The following TMEFF2 variants were observed in gnomAD, a reference collection of about 807,000 sequenced individuals.
TMEFF2 encodes tomoregulin-2.
Under a neutral mutation model 53.8 loss-of-function variants are expected in TMEFF2, and 28 were observed. The ratio of observed to expected loss-of-function variants is 0.52; its 90% CI spans 0.39 to 0.71. The LOEUF (loss-of-function observed/expected upper bound fraction) is 0.71. Ranked by LOEUF, TMEFF2 falls within the 30% of genes least tolerant of loss-of-function variation. The pLI, the probability that TMEFF2 is intolerant of heterozygous loss-of-function variation, is 0.00. For missense variants in TMEFF2, 353 were observed against 455.2 expected (o/e 0.78, Z 2.04); for synonymous variants, 162 against 166.3 (o/e 0.97, Z 0.20).
chr2:192,002,858 C>G (rs934135828), intron 5 of TMEFF2, among the ~76,000 whole-genome samples: 1 of 151,860 alleles, frequency 6.6e-6, no homozygotes. Flanking sequence ...AACACAAAAA[C>G]GATGAAGCTT....
chr2:192,188,440 T>C (rs1691370683), intron 2 of TMEFF2, among the ~76,000 whole-genome samples: 1 of 152,188 alleles, frequency 6.6e-6, no homozygotes, highest in Non-Finnish European at 1.5e-5. Context: ...CTCAGATCGG[T>C]ATAGCACCAA....
intron 4 of TMEFF2, among the ~76,000 whole-genome samples, chr2:192,087,658 T>C (rs1688697300): frequency 6.6e-6 from 1 of 152,130 alleles, no homozygotes; most frequent in African/African-American, 2.4e-5. Flanking sequence ...CCGTTATAAC[T>C]AGATACAATA....
At chr2:191,950,511 T>G in intron 9 of TMEFF2, 104 bp from the exon 10 acceptor site, 2 of 1,469,102 alleles carry the variant, frequency 1.4e-6, no homozygotes, top group Non-Finnish European at 1.9e-6. Flanking sequence ...TATTAAAATA[T>G]TTCAGATGAA....
At chr2:191,959,689 T>G (rs1692215517) in intron 7 of TMEFF2, among the ~76,000 whole-genome samples, 1 of 152,196 alleles carries the variant, frequency 6.6e-6, no homozygotes, top group Admixed American at 6.5e-5. Flanking sequence ...AATAAGATGT[T>G]GTTTAGATAA....
intron 4 of TMEFF2, among the ~76,000 whole-genome samples, chr2:192,107,934 A>G (rs1402419559): frequency 6.7e-6 from 1 of 149,684 alleles, no homozygotes; most frequent in African/African-American, 2.4e-5. Flanking sequence ...CTATACAAAG[A>G]TAGAAACAAT....
At chr2:192,073,125 T>A (rs1158996630) in intron 4 of TMEFF2, among the ~76,000 whole-genome samples, 3 of 152,006 alleles carry the variant, frequency 2.0e-5, no homozygotes, top group Non-Finnish European at 2.9e-5. Context: ...GTTGAGGTAG[T>A]GATTTCTGTG....
chr2:192,109,520 G>A (rs1689226744), intron 4 of TMEFF2, among the ~76,000 whole-genome samples: 1 of 152,000 alleles, frequency 6.6e-6, no homozygotes, highest in Non-Finnish European at 1.5e-5. Flanking sequence ...TTCTGAAGAT[G>A]CCTCTGGATT....
chr2:192,128,174 C>T (rs1286205522), intron 4 of TMEFF2, among the ~76,000 whole-genome samples: 1 of 152,116 alleles, frequency 6.6e-6, no homozygotes, highest in Non-Finnish European at 1.5e-5. Flanking sequence ...TTTGCCATTA[C>T]AGATAAAGCC....
chr2:192,164,256 T>C (rs1349902514), intron 4 of TMEFF2, among the ~76,000 whole-genome samples: 1 of 152,156 alleles, frequency 6.6e-6, no homozygotes, highest in Non-Finnish European at 1.5e-5. Flanking sequence ...CTTCCTTCTA[T>C]TTCTGGATTT....
At chr2:192,088,827 C>A (rs541908495) in intron 4 of TMEFF2, among the ~76,000 whole-genome samples, 12 of 152,144 alleles carry the variant, frequency 7.9e-5, no homozygotes, top group Non-Finnish European at 1.5e-4. Context: ...CTGTTCTTAG[C>A]CTTTCACCTA....
At chr2:192,037,473 A>G (rs1228695704) in intron 5 of TMEFF2, among the ~76,000 whole-genome samples, 1 of 151,846 alleles carries the variant, frequency 6.6e-6, no homozygotes, top group East Asian at 1.9e-4. Context: ...CTTAGAAGGA[A>G]AGGCAGGTCC....
At chr2:192,108,297 A>G (rs1196350408) in intron 4 of TMEFF2, among the ~76,000 whole-genome samples, 1 of 151,880 alleles carries the variant, frequency 6.6e-6, no homozygotes, top group Non-Finnish European at 1.5e-5. Context: ...TTCCCTAACA[A>G]CAACTTGAAT....
intron 7 of TMEFF2, among the ~76,000 whole-genome samples, chr2:191,978,380 T>C (rs769055314): frequency 6.6e-6 from 1 of 152,034 alleles, no homozygotes; most frequent in Non-Finnish European, 1.5e-5. Flanking sequence ...TTTATCTTTG[T>C]AATGGTGATA....
chr2:191,995,981 A>G (rs1686212397), intron 7 of TMEFF2, among the ~76,000 whole-genome samples: 1 of 151,946 alleles, frequency 6.6e-6, no homozygotes, highest in Non-Finnish European at 1.5e-5. Flanking sequence ...TGTATTAAAA[A>G]TGTATTTTTT....
At chr2:191,957,019 G>T (rs1574242631) in intron 7 of TMEFF2, among the ~76,000 whole-genome samples, 1 of 152,140 alleles carries the variant, frequency 6.6e-6, no homozygotes, top group Non-Finnish European at 1.5e-5. Context: ...ACTGAATACT[G>T]TAAGTGTATT....
At chr2:192,039,207 G>T (rs1359003783) in intron 5 of TMEFF2, among the ~76,000 whole-genome samples, 1 of 152,120 alleles carries the variant, frequency 6.6e-6, no homozygotes, top group Non-Finnish European at 1.5e-5. Context: ...AAGTCCTATT[G>T]TGAGGATTTA....
intron 7 of TMEFF2, among the ~76,000 whole-genome samples, chr2:191,983,140 A>G (rs1368884574): frequency 5.9e-5 from 9 of 152,202 alleles, no homozygotes; most frequent in Non-Finnish European, 1.2e-4. Context: ...GGAATGACCA[A>G]TAATAGACAA....
chr2:192,004,230 G>C (rs1016603198), intron 5 of TMEFF2, among the ~76,000 whole-genome samples: 2 of 152,156 alleles, frequency 1.3e-5, no homozygotes, highest in East Asian at 3.8e-4. Flanking sequence ...AGGAGAGGGG[G>C]TTCCTGAAGA....
chr2:192,106,808 T>C (rs1010657415), intron 4 of TMEFF2, among the ~76,000 whole-genome samples: 4 of 151,742 alleles, frequency 2.6e-5, no homozygotes, highest in African/African-American at 9.7e-5. Context: ...CATGTAAAAA[T>C]ACATCAATAG....
Sources: allele counts gnomAD v4.1 joint callset (sites outside exome capture counted in the v4.1 genomes callset), GRCh38; gene constraint gnomAD v4.1.1; transcripts MANE v1.5; gene names NCBI Gene and HGNC (gene_info 2026-07-23, HGNC 2026-07-21).